The following SLC7A6 variants were observed in gnomAD, a reference collection of about 807,000 sequenced individuals.
SLC7A6 encodes Y+L amino acid transporter 2.
SLC7A6 carries 29 observed loss-of-function variants against 46.6 expected under a neutral mutation model. The observed-to-expected ratio is 0.62, with a 90% CI of 0.46 to 0.85. The LOEUF is 0.85. Ranked by LOEUF, SLC7A6 falls within the 40% of genes least tolerant of loss-of-function variation. The probability of loss-of-function intolerance (pLI) is 0.00; values close to 1 mark genes in which losing one functional copy is unlikely to be tolerated. For synonymous variants in SLC7A6, 276 were observed against 257.3 expected, an observed-to-expected ratio of 1.07 and a Z score of -0.70; for missense variants, 527 against 647.6, an observed-to-expected ratio of 0.81 and a Z score of 2.02.
Position 68,301,242 on chromosome 16 carries a change from A to G in SLC7A6, c.*3914A>G, listed in dbSNP as rs1235895112. The G allele has an allele frequency of 1.2e-6, 2 of 1,605,528 alleles. No homozygotes were observed. Among genetic ancestry groups the G allele is most frequent in the Non-Finnish European group, 1.7e-6 (2 of 1,174,610 alleles). On this transcript the variant is annotated 3_prime_UTR_variant, in exon 11 of 11. Transcript: ENST00000219343. ...CTCTGGACTCAGAGCCCTCAAGGGCATGTGGCAGAACCTCATGGACATCAC... is the reference window on the plus strand; with the variant it reads ...CTCTGGACTCAGAGCCCTCAAGGGCGTGTGGCAGAACCTCATGGACATCAC...
At chr16:68,280,862 G>A (rs1367093920) in intron 3 of SLC7A6, among the ~76,000 whole-genome samples, 4 of 152,152 alleles carry the variant, frequency 2.6e-5, no homozygotes, top group Non-Finnish European at 5.9e-5. Context: ...AGCCTCCTGA[G>A]TGCTGGGACA....
intron 4 of SLC7A6, 51 bp downstream of exon 4, chr16:68,287,922 G>A (rs2151226251): frequency 1.9e-6 from 3 of 1,599,326 alleles, no homozygotes; most frequent in Non-Finnish European, 2.6e-6. Flanking sequence ...GATTCCCTGA[G>A]GAGAACATGG....
chr16:68,285,041 C>CT (rs750820665), intron 3 of SLC7A6, among the ~76,000 whole-genome samples: 2 of 142,522 alleles, frequency 1.4e-5, no homozygotes, highest in East Asian at 3.9e-4. Context: ...GGCCCCCTGT[C>CT]TGTCTTTTTG....
intron 3 of SLC7A6, chr16:68,287,269 C>A: frequency 1.6e-6 from 2 of 1,245,814 alleles, no homozygotes; most frequent in African/African-American, 3.1e-5. Flanking sequence ...TGAGCCACTG[C>A]ACCTGGCCTC....
Position 68,291,333 on chromosome 16 carries a change from G to A in SLC7A6, c.918+1G>A, listed in dbSNP as rs1198065077. ...CCTTAGCAGTGATGCTGTGGCTGTGGTGAGTCTCTTGGGATCCCCATTTGT... is the reference window on the plus strand; with the variant it reads ...CCTTAGCAGTGATGCTGTGGCTGTGATGAGTCTCTTGGGATCCCCATTTGT... On this transcript the variant is annotated splice_donor_variant, in intron 6 of 10. Transcript: ENST00000219343. LOFTEE classifies it high-confidence loss of function. 7 of 1,613,860 alleles carry A rather than the reference G, an allele frequency of 4.3e-6. No individual in the cohort carries two copies. Among genetic ancestry groups the A allele is most frequent in the Non-Finnish European group, 4.2e-6 (5 of 1,179,906 alleles).
intron 3 of SLC7A6, among the ~76,000 whole-genome samples, chr16:68,281,786 G>C (rs8053788): frequency 0.047 from 7,099 of 152,270 alleles, 533 homozygotes; most frequent in African/African-American, 0.16. Flanking sequence ...ATTTAGCTTT[G>C]TGGGCTTTGA....
chr16:68,297,504 G>A lies in SLC7A6; in HGVS notation c.*176G>A. 8.0e-6 allele frequency: 2 copies of A among 249,522 alleles called. No individual in the cohort carries two copies. The highest frequency in any genetic ancestry group is 1.5e-3 in the Middle Eastern group (1 of 658). 15.5% of individuals were successfully genotyped at this position (249,522 alleles called of 1,614,324 possible). ...AAGCTATAGGAGACTCAGGATCTGG[G>A]CCAACCTCAAGGTGGGGGCTTCAGA... On this transcript the variant is annotated 3_prime_UTR_variant, in exon 11 of 11. Coordinates refer to ENST00000219343, the MANE Select transcript of SLC7A6 (RefSeq NM_003983.6).
At chr16:68,296,962 C>A in intron 10 of SLC7A6, 152 bp downstream of exon 10, 2 of 834,200 alleles carry the variant, frequency 2.4e-6, no homozygotes, top group Non-Finnish European at 3.7e-6. Flanking sequence ...TTGACATGAT[C>A]ACTTTAGTTC....
At chr16:68,289,212 T>G (rs7185391) in intron 4 of SLC7A6, among the ~76,000 whole-genome samples, 120,124 of 152,034 alleles carry the variant, frequency 0.79, 48,225 homozygotes, top group African/African-American at 0.94. Context: ...AGAATCGCCT[T>G]AAACTGGGAG....
At position 68,301,065 on chromosome 16, in the gene SLC7A6, G is replaced by C. The variant is rs2043263682; in HGVS notation, c.*3737G>C. The C allele has an allele frequency of 8.2e-7, 1 of 1,226,100 alleles. No homozygotes were observed. The highest frequency in any genetic ancestry group is 1.6e-5 in the African/African-American group (1 of 64,236). The allele number at this position is 1,226,100 out of a possible 1,614,324, so 76.0% of individuals were successfully genotyped here. ...TCAAACTGTAGGGTCACTTTTGATT[G>C]AGGCAAAGGGGTCCTACTGTAAGTG... On this transcript the variant is annotated 3_prime_UTR_variant, in exon 11 of 11. Transcript: ENST00000219343.
intron 2 of SLC7A6, among the ~76,000 whole-genome samples, chr16:68,272,088 C>T (rs2042632811): frequency 6.6e-6 from 1 of 152,194 alleles, no homozygotes; most frequent in Non-Finnish European, 1.5e-5. Flanking sequence ...CAGGCGTGAG[C>T]CACTGCGCCC....
intron 8 of SLC7A6, among the ~76,000 whole-genome samples, chr16:68,295,362 G>C (rs1416912621): frequency 6.6e-6 from 1 of 152,162 alleles, no homozygotes; most frequent in Non-Finnish European, 1.5e-5. Context: ...TTTCATCAAA[G>C]TAAGAGAAAA....
chr16:68,280,497 T>A (rs1032916959), intron 3 of SLC7A6, among the ~76,000 whole-genome samples: 1 of 152,216 alleles, frequency 6.6e-6, no homozygotes, highest in African/African-American at 2.4e-5. Flanking sequence ...GGACTTGCCT[T>A]TTCTCTTGAA....
In SLC7A6 at chr16:68,300,537, C is replaced by G. The variant is rs2043251970; in HGVS notation, c.*3209C>G. The G allele has an allele frequency of 1.2e-6, 1 of 853,234 alleles. No individual in the cohort carries two copies. The allele number at this position is 853,234 out of a possible 1,614,324, so 52.9% of individuals were successfully genotyped here. Reference sequence around the variant, plus strand: ...GCCTTAAGTCCTTGGTATTTATAATCAATGCTGAACCTTCTATTTCACTAC... The same window carrying G: ...GCCTTAAGTCCTTGGTATTTATAATGAATGCTGAACCTTCTATTTCACTAC... On this transcript the variant is annotated 3_prime_UTR_variant, in exon 11 of 11. Transcript: ENST00000219343.
chr16:68,289,251 C>T (rs985459077), intron 4 of SLC7A6, among the ~76,000 whole-genome samples: 5 of 152,072 alleles, frequency 3.3e-5, no homozygotes, highest in Admixed American at 2.0e-4. Context: ...CAAGATCTTG[C>T]CATTGCACTC....
chr16:68,301,505 T>A lies in SLC7A6; in HGVS notation c.*4177T>A. On this transcript the variant is annotated 3_prime_UTR_variant, in exon 11 of 11. Coordinates refer to ENST00000219343, the MANE Select transcript of SLC7A6 (RefSeq NM_003983.6). Reference sequence around the variant, plus strand: ...AAAGGTCTGTTTTTGTTCCCGATTGTAATGCAAAATCCTTGCTCAATAAAT... The same window carrying A: ...AAAGGTCTGTTTTTGTTCCCGATTGAAATGCAAAATCCTTGCTCAATAAAT... 1.1e-6 allele frequency: 1 copy of A among 935,240 alleles called. No individual in the cohort carries two copies. The highest frequency in any genetic ancestry group is 1.6e-6 in the Non-Finnish European group (1 of 633,238). The allele number at this position is 935,240 out of a possible 1,614,324, so 57.9% of individuals were successfully genotyped here. A position where few individuals can be genotyped will look rare whatever the true frequency, so the allele number is the denominator to read the frequency against.
At chr16:68,272,378 A>G (rs1176649253) in intron 2 of SLC7A6, among the ~76,000 whole-genome samples, 2 of 152,184 alleles carry the variant, frequency 1.3e-5, no homozygotes, top group Non-Finnish European at 2.9e-5. Context: ...GCAGTGAGCT[A>G]TGATTGCATG....
chr16:68,280,607 T>C (rs1387886579), intron 3 of SLC7A6, among the ~76,000 whole-genome samples: 2 of 152,220 alleles, frequency 1.3e-5, no homozygotes, highest in Non-Finnish European at 1.5e-5. Context: ...AAAATTTCTT[T>C]TTTGTTTATT....
At position 68,297,455 on chromosome 16, in the gene SLC7A6, G is replaced by T; in HGVS notation, c.*127G>T. On this transcript the variant is annotated 3_prime_UTR_variant, in exon 11 of 11. Coordinates refer to ENST00000219343, the MANE Select transcript of SLC7A6 (RefSeq NM_003983.6). ...TGACCCAATCATATAGTGGGGCTCAGGGCCAGTGCTCACTCTTATTGGTAA... is the reference window on the plus strand; with the variant it reads ...TGACCCAATCATATAGTGGGGCTCATGGCCAGTGCTCACTCTTATTGGTAA... The T allele has an allele frequency of 1.4e-6, 1 of 719,858 alleles. No individual in the cohort carries two copies. Among genetic ancestry groups the T allele is most frequent in the South Asian group, 1.8e-5 (1 of 54,360 alleles). 44.6% of individuals were successfully genotyped at this position (719,858 alleles called of 1,614,324 possible).
Sources: allele counts gnomAD v4.1 joint callset (sites outside exome capture counted in the v4.1 genomes callset), GRCh38; gene constraint gnomAD v4.1.1; transcripts MANE v1.5; gene names NCBI Gene and HGNC (gene_info 2026-07-23, HGNC 2026-07-21).